MID1: variants seen among roughly 807,000 people sequenced by gnomAD.
The protein encoded by MID1 is E3 ubiquitin-protein ligase Midline-1.
A neutral mutation model predicts 40.4 loss-of-function variants in MID1; 7 were observed. The ratio of observed to expected loss-of-function variants is 0.17; its 90% confidence interval spans 0.10 to 0.33. The LOEUF (loss-of-function observed/expected upper bound fraction) is 0.33, where lower values mean the gene tolerates loss of function less well. MID1 is among the 10% of genes least tolerant of loss of function. The pLI is 1.00. For missense variants in MID1, 367 were observed against 558.5 expected (o/e 0.66, Z 3.46); for synonymous variants, 229 against 221.2 (o/e 1.04, Z -0.31).
intron 1 of MID1, among the ~76,000 whole-genome samples, chrX:10,779,281 G>C (rs1214790262): frequency 8.9e-6 from 1 of 112,083 alleles, no homozygotes; most frequent in Non-Finnish European, 1.9e-5. Flanking sequence ...CCCAGGCTTG[G>C]TGGATTCTCT....
chrX:10,726,502 C>T (rs750285989), intron 1 of MID1, among the ~76,000 whole-genome samples: 3 of 100,674 alleles, frequency 3.0e-5, no homozygotes, highest in Non-Finnish European at 5.8e-5. Flanking sequence ...GTTTCTTTCT[C>T]TGAGGAAAAA....
At chrX:10,718,103 T>G (rs914816028) in intron 1 of MID1, among the ~76,000 whole-genome samples, 7 of 111,649 alleles carry the variant, frequency 6.3e-5, no homozygotes, top group Non-Finnish European at 9.4e-5. Context: ...AGGAAAGATC[T>G]AAAATTGACA....
intron 2 of MID1, among the ~76,000 whole-genome samples, chrX:10,543,730 C>A (rs1224532256): frequency 1.8e-5 from 2 of 111,106 alleles, no homozygotes; most frequent in Non-Finnish European, 1.9e-5. Context: ...GTAATCCCAG[C>A]CACTTGGGAG....
intron 3 of MID1, among the ~76,000 whole-genome samples, chrX:10,507,025 T>C (rs1309204730): frequency 8.9e-6 from 1 of 111,860 alleles, no homozygotes; most frequent in Non-Finnish European, 1.9e-5. Context: ...TTTCAACTCA[T>C]TGTGAAATTA....
At chrX:10,490,618 T>G (rs1930892785) in intron 4 of MID1, among the ~76,000 whole-genome samples, 1 of 112,284 alleles carries the variant, frequency 8.9e-6, no homozygotes, top group Non-Finnish European at 1.9e-5. Flanking sequence ...AAAAAAAATT[T>G]TTGTGTCTAT....
intron 1 of MID1, among the ~76,000 whole-genome samples, chrX:10,662,632 C>T (rs1348985276): frequency 9.0e-6 from 1 of 111,703 alleles, no homozygotes; most frequent in African/African-American, 3.3e-5. Context: ...ATTCAATATA[C>T]ATAGGTTCGA....
intron 9 of MID1, among the ~76,000 whole-genome samples, chrX:10,450,501 G>A (rs1928264492): frequency 8.9e-6 from 1 of 112,552 alleles, no homozygotes; most frequent in Non-Finnish European, 1.9e-5. Context: ...GTAATATTCA[G>A]TAACTGCTAT....
intron 1 of MID1, among the ~76,000 whole-genome samples, chrX:10,713,197 C>T (rs1052604825): frequency 3.6e-5 from 4 of 111,964 alleles, no homozygotes; most frequent in African/African-American, 9.7e-5. Flanking sequence ...TTGAGAACCA[C>T]GCCCGGCCTA....
At chrX:10,698,997 T>A (rs181919168) in intron 1 of MID1, among the ~76,000 whole-genome samples, 32 of 111,920 alleles carry the variant, frequency 2.9e-4, no homozygotes, top group African/African-American at 1.0e-3. Flanking sequence ...CCCAAACCCT[T>A]TCCTTTCACT....
Position 10,718,981 on chromosome X carries a change from T to C in MID1, c.-186-98562A>G, listed in dbSNP as rs775213477. On this transcript the variant is annotated intron_variant, in intron 1 of 10. Transcript: ENST00000380785. ...TCTCAATAGATGCAGAAAAGGCCTT[T>C]GACAAAATTCAACAACCCTTCATGC... 2.1e-3 allele frequency among the ~76,000 whole-genome samples: 232 copies of C among 111,799 alleles called. 1 individual carries two copies. The highest frequency in any genetic ancestry group is 7.1e-3 in the African/African-American group (217 of 30,765).
chrX:10,451,430 T>G (rs541466421), intron 9 of MID1, among the ~76,000 whole-genome samples: 71 of 111,940 alleles, frequency 6.3e-4, no homozygotes, highest in South Asian at 1.5e-3. Context: ...CAGCTCATCA[T>G]GACTCCATGA....
At chrX:10,598,719 G>T (rs1239964887) in intron 1 of MID1, among the ~76,000 whole-genome samples, 1 of 111,692 alleles carries the variant, frequency 9.0e-6, no homozygotes, top group East Asian at 2.8e-4. Context: ...CAGTCTTACA[G>T]CTGCCAGAGA....
chrX:10,454,833 T>A, intron 9 of MID1, 37 bp downstream of exon 9: 2 of 1,130,193 alleles, frequency 1.8e-6, no homozygotes, highest in Non-Finnish European at 2.4e-6. Flanking sequence ...AGATGTGCCT[T>A]TTTATAACTG....
intron 3 of MID1, chrX:10,506,117 A>AAC: frequency 1.2e-6 from 1 of 835,554 alleles, no homozygotes; most frequent in Non-Finnish European, 1.4e-6. Context: ...TCATTCTAGA[A>AAC]TATCAGGAGA....
chrX:10,596,054 T>A (rs1478580463), intron 1 of MID1, among the ~76,000 whole-genome samples: 1 of 112,087 alleles, frequency 8.9e-6, no homozygotes, highest in Non-Finnish European at 1.9e-5. Context: ...CTAATATGAA[T>A]AAAACGTGGA....
At position 10,819,222 on chromosome X, in the gene MID1, T is replaced by TGA. The variant is rs367912071; in HGVS notation, c.-187+14330_-187+14331dup. On this transcript the variant is annotated intron_variant, in intron 1 of 10. Transcript: ENST00000380785. ...ACATGCGTGAGAAAGACAGAGACAG[T>TGA]GAGAGAGAGAGAGAGAGAGAGAGAG... Among the ~76,000 whole-genome samples, 611 of 101,833 alleles carry TGA rather than the reference T, an allele frequency of 6.0e-3. 2 individuals are homozygous for TGA. The highest frequency in any genetic ancestry group is 0.011 in the African/African-American group (303 of 28,074). The allele number at this position is 101,833 out of a possible 115,157, so 88.4% of individuals were successfully genotyped here.
chrX:10,676,525 T>C (rs2043024318), intron 1 of MID1, among the ~76,000 whole-genome samples: 1 of 111,900 alleles, frequency 8.9e-6, no homozygotes, highest in Non-Finnish European at 1.9e-5. Flanking sequence ...ACCCCTCAGC[T>C]GCTCTAGGCC....
chrX:10,510,684 T>C (rs1296898216), intron 3 of MID1, among the ~76,000 whole-genome samples: 1 of 107,441 alleles, frequency 9.3e-6, no homozygotes, highest in African/African-American at 3.4e-5. Context: ...ATACAAAAAC[T>C]AGCTGGGCAT....
rs1426856162 is a variant in MID1, at chrX:10,805,847, T to C, written c.-187+27707A>G. On this transcript the variant is annotated intron_variant, in intron 1 of 10. Transcript: ENST00000380785. ...TGATGGTGAGCATTTTTTCATGTGT[T>C]TTTTGGCTGCATAAATGTCTTCTTT... Among the ~76,000 whole-genome samples the C allele has an allele frequency of 2.5e-3, 272 of 108,422 alleles. 2 individuals are homozygous for C. Among genetic ancestry groups the C allele is most frequent in the African/African-American group, 8.9e-3 (264 of 29,778 alleles). The allele number at this position is 108,422 out of a possible 115,157, so 94.2% of individuals were successfully genotyped here. A position where few individuals can be genotyped will look rare whatever the true frequency, so the allele number is the denominator to read the frequency against.
Sources: gnomAD v4.1 joint callset for allele counts (sites outside exome capture counted in the v4.1 genomes callset) on GRCh38, gnomAD v4.1.1 for gene constraint, MANE v1.5 for transcripts, NCBI Gene and HGNC (gene_info 2026-07-23, HGNC 2026-07-21) for gene names.